The following UBE3D variants were observed in gnomAD, a reference collection of about 807,000 sequenced individuals.
UBE3D encodes the protein ubiquitin protein ligase E3D.
In UBE3D, 48 loss-of-function variants were observed where a neutral mutation model predicts 49.6. The observed-to-expected ratio is 0.97, with a 90% confidence interval of 0.77 to 1.23. The LOEUF (loss-of-function observed/expected upper bound fraction) is 1.23. Among genes scored for constraint, UBE3D ranks in the 50% most tolerant of loss-of-function variants. UBE3D has a pLI of 0.00. For synonymous variants in UBE3D, 189 were observed against 174.2 expected (o/e 1.08, Z -0.67); for missense variants, 452 against 468.4 (o/e 0.96, Z 0.32).
chr6:82,965,583 C>CAAAAAAAAA (rs35257086), intron 8 of UBE3D, among the ~76,000 whole-genome samples: 2 of 86,350 alleles, frequency 2.3e-5, no homozygotes, highest in African/African-American at 4.4e-5. Flanking sequence ...AACTCCATCT[C>CAAAAAAAAA]AAAAAAAAAA....
intron 9 of UBE3D, among the ~76,000 whole-genome samples, chr6:82,947,904 A>C (rs948890063): frequency 1.2e-4 from 19 of 152,194 alleles, no homozygotes; most frequent in African/African-American, 4.6e-4. Flanking sequence ...AAGTGCCTAC[A>C]TCAAAACAGA....
intron 8 of UBE3D, among the ~76,000 whole-genome samples, chr6:82,973,875 T>C (rs1469984412): frequency 1.3e-5 from 2 of 152,250 alleles, no homozygotes; most frequent in Non-Finnish European, 2.9e-5. Context: ...TAGATTCTCA[T>C]AAGAGCCTGA....
chr6:83,010,940 T>G (rs555192445), intron 8 of UBE3D, among the ~76,000 whole-genome samples: 4 of 152,102 alleles, frequency 2.6e-5, no homozygotes, highest in African/African-American at 9.7e-5. Flanking sequence ...ATACTTTGCA[T>G]CCAGTCAAGT....
intron 9 of UBE3D, among the ~76,000 whole-genome samples, chr6:82,894,194 C>A (rs1040611516): frequency 1.3e-5 from 2 of 151,882 alleles, no homozygotes; most frequent in Non-Finnish European, 2.9e-5. Context: ...TCGCCCCCAC[C>A]CCCCCAACCA....
At chr6:83,049,748 G>A (rs534687942) in intron 3 of UBE3D, 23 of 470,974 alleles carry the variant, frequency 4.9e-5, no homozygotes, top group Middle Eastern at 3.2e-4. Context: ...AGAGACCTCC[G>A]GAGAGCCACT....
intron 2 of UBE3D, 52 bp downstream of exon 2, chr6:83,057,774 T>C: frequency 1.9e-6 from 3 of 1,575,438 alleles, no homozygotes; most frequent in Non-Finnish European, 8.7e-7. Flanking sequence ...AAATCACCTT[T>C]GGTTTATAAC....
chr6:82,966,426 G>A (rs1432209387), intron 8 of UBE3D, among the ~76,000 whole-genome samples: 1 of 72,280 alleles, frequency 1.4e-5, no homozygotes, highest in Non-Finnish European at 2.9e-5. Context: ...CGAGGCGGGC[G>A]GATCACGAGG....
At chr6:83,012,247 G>C (rs1780389304) in intron 8 of UBE3D, among the ~76,000 whole-genome samples, 2 of 152,210 alleles carry the variant, frequency 1.3e-5, no homozygotes, top group African/African-American at 4.8e-5. Flanking sequence ...CATATCCAAA[G>C]TGTCTGTTCC....
rs145178803 is a variant in UBE3D, at chr6:82,940,789, T to A, written c.1149+16523A>T. Among the ~76,000 whole-genome samples, 205 of 152,232 alleles carry A rather than the reference T, an allele frequency of 1.3e-3. 5 individuals carry two copies. The East Asian group carries it at 0.03, about 22-fold the overall frequency. ...AAGTATATGTCTTCATGCCAGGAGA[T>A]GAAACAGAGGAAAGAGCAGAGTATT... On this transcript the variant is annotated intron_variant, in intron 9 of 9. Transcript: ENST00000369747.
intron 8 of UBE3D, among the ~76,000 whole-genome samples, chr6:82,994,023 G>C (rs1779076481): frequency 6.6e-6 from 1 of 152,080 alleles, no homozygotes; most frequent in Non-Finnish European, 1.5e-5. Flanking sequence ...ATTGCTAAAA[G>C]GAGAAAAATG....
At chr6:82,968,757 T>C (rs1464525657) in intron 8 of UBE3D, among the ~76,000 whole-genome samples, 1 of 152,250 alleles carries the variant, frequency 6.6e-6, no homozygotes, top group African/African-American at 2.4e-5. Context: ...TTCTGTGCTA[T>C]ATATCTGGTT....
intron 1 of UBE3D, among the ~76,000 whole-genome samples, chr6:83,062,101 G>A (rs187749816): frequency 8.3e-4 from 126 of 151,114 alleles, no homozygotes; most frequent in African/African-American, 2.6e-3. Context: ...ATTCTCTGCC[G>A]CCTCTTCTCT....
chr6:82,932,699 G>A (rs935007012), intron 9 of UBE3D: 2 of 152,078 alleles, frequency 1.3e-5, no homozygotes, highest in African/African-American at 4.8e-5. Context: ...ACAGCTATTT[G>A]TATTTTTGTA....
At chr6:82,960,854 T>C (rs1282507520) in intron 8 of UBE3D, among the ~76,000 whole-genome samples, 1 of 152,160 alleles carries the variant, frequency 6.6e-6, no homozygotes, top group Non-Finnish European at 1.5e-5. Context: ...GTATGTTCAA[T>C]AAAACAACTC....
chr6:83,044,036 A>C (rs1273299101), intron 4 of UBE3D, among the ~76,000 whole-genome samples: 4 of 152,198 alleles, frequency 2.6e-5, no homozygotes, highest in African/African-American at 9.7e-5. Flanking sequence ...GAAATAGTAA[A>C]ATACCTCAGC....
chr6:82,925,874 T>C (rs1013028312), intron 9 of UBE3D, among the ~76,000 whole-genome samples: 1 of 152,114 alleles, frequency 6.6e-6, no homozygotes, highest in African/African-American at 2.4e-5. Context: ...TATACTTTGT[T>C]CCTACTAAGT....
chr6:82,972,001 G>A (rs1235289615), intron 8 of UBE3D, among the ~76,000 whole-genome samples: 1 of 152,144 alleles, frequency 6.6e-6, no homozygotes, highest in Non-Finnish European at 1.5e-5. Context: ...TGTTGAAATA[G>A]ATGGTGAGAC....
In UBE3D at chr6:82,996,509, G is replaced by C. The variant is rs1779251589; in HGVS notation, c.1010+22464C>G. The stretch of plus-strand genomic sequence containing the variant: ...AGACAATACCTTCCTCCAGGAGATA[G>C]AGCTTATCACTCCTACCCCTTTGAG... On this transcript the variant is annotated intron_variant, in intron 8 of 9. Coordinates refer to ENST00000369747, the MANE Select transcript of UBE3D (RefSeq NM_198920.3). Among the ~76,000 whole-genome samples, 5 of 152,110 alleles carry C rather than the reference G, an allele frequency of 3.3e-5. No individual in the cohort carries two copies. The South Asian group carries it at 1.0e-3, about 32-fold the overall frequency.
chr6:83,052,087 G>A (rs1244893707), intron 3 of UBE3D, among the ~76,000 whole-genome samples: 3 of 152,192 alleles, frequency 2.0e-5, no homozygotes, highest in African/African-American at 7.2e-5. Context: ...CTTGCCACGT[G>A]CCAGGCACTG....
Sources: gnomAD v4.1 joint callset for allele counts (sites outside exome capture counted in the v4.1 genomes callset) on GRCh38, gnomAD v4.1.1 for gene constraint, MANE v1.5 for transcripts, NCBI Gene and HGNC (gene_info 2026-07-23, HGNC 2026-07-21) for gene names.